Variants in NSD3 observed in about 807,000 individuals in gnomAD.
NSD3 encodes histone-lysine N-methyltransferase NSD3.
A neutral mutation model predicts 160.8 loss-of-function variants in NSD3; 24 were observed. The ratio of observed to expected loss-of-function variants is 0.15; its 90% CI spans 0.11 to 0.21. NSD3 has a LOEUF of 0.21. Ranked by LOEUF, NSD3 falls within the 10% of genes least tolerant of loss-of-function variation. The pLI, the probability that NSD3 is intolerant of heterozygous loss-of-function variation, is 1.00. For missense variants in NSD3, 1,157 were observed against 1,735.9 expected (o/e 0.67, Z 5.93); for synonymous variants, 520 against 600.0 (o/e 0.87, Z 1.95).
intron 1 of NSD3, among the ~76,000 whole-genome samples, chr8:38,376,109 G>A (rs1811381797): frequency 6.6e-6 from 1 of 151,504 alleles, no homozygotes. Context: ...TTTTTTCCAG[G>A]TCCTTTTCTA....
At position 38,317,839 on chromosome 8, in the gene NSD3, T is replaced by C. The variant is rs1323602552; in HGVS notation, c.1855+1056A>G. 3 of 1,514,516 alleles carry C rather than the reference T, an allele frequency of 2.0e-6. No homozygotes were observed. The highest frequency in any genetic ancestry group is 2.7e-6 in the Non-Finnish European group (3 of 1,130,382). The allele number at this position is 1,514,516 out of a possible 1,614,324, so 93.8% of individuals were successfully genotyped here. On this transcript the variant is annotated intron_variant, in intron 9 of 23. Coordinates refer to ENST00000317025, the MANE Select transcript of NSD3 (RefSeq NM_023034.2). This position sits in a 1 kb window ranked among gnomAD's most constrained non-coding sequence, Gnocchi z 5.3. Reference sequence around the variant, plus strand: ...AAACCAGGCAGGAAAATGCCAATAATGATGATTGGCGAAATCAAAATCGAA... The same window carrying C: ...AAACCAGGCAGGAAAATGCCAATAACGATGATTGGCGAAATCAAAATCGAA...
chr8:38,286,159 G>A (rs1808850730), intron 19 of NSD3, among the ~76,000 whole-genome samples: 1 of 152,134 alleles, frequency 6.6e-6, no homozygotes, highest in Non-Finnish European at 1.5e-5. Flanking sequence ...TATGACATAA[G>A]ACTTCAGTGT....
intron 19 of NSD3, among the ~76,000 whole-genome samples, chr8:38,284,631 C>T (rs1456475107): frequency 6.6e-6 from 1 of 152,178 alleles, no homozygotes; most frequent in East Asian, 1.9e-4. Flanking sequence ...AAATGATCCA[C>T]CTGCCTCAAC....
chr8:38,364,520 T>A (rs192386020), intron 1 of NSD3, among the ~76,000 whole-genome samples: 51 of 152,308 alleles, frequency 3.3e-4, no homozygotes, highest in Admixed American at 3.3e-3. Context: ...TTCTATACTC[T>A]GGAGTTTACT....
At chr8:38,334,485 T>C (rs1187929509) in intron 4 of NSD3, among the ~76,000 whole-genome samples, 1 of 152,190 alleles carries the variant, frequency 6.6e-6, no homozygotes, top group Admixed American at 6.5e-5. Context: ...CCAGGAGCAG[T>C]GGCTTACGCC....
At chr8:38,361,710 G>A (rs1193307808) in intron 1 of NSD3, among the ~76,000 whole-genome samples, 1 of 142,724 alleles carries the variant, frequency 7.0e-6, no homozygotes. Flanking sequence ...AGCCAAGATC[G>A]CGCCACTGCG....
At chr8:38,342,048 G>T (rs866111825) in intron 2 of NSD3, among the ~76,000 whole-genome samples, 2 of 151,842 alleles carry the variant, frequency 1.3e-5, no homozygotes, top group African/African-American at 4.8e-5. Flanking sequence ...TTTCCTTCAG[G>T]CTGGTTTGAA....
intron 1 of NSD3, among the ~76,000 whole-genome samples, chr8:38,349,221 G>T (rs960263715): frequency 6.6e-6 from 1 of 152,140 alleles, no homozygotes; most frequent in Non-Finnish European, 1.5e-5. Context: ...TGGTTGCATA[G>T]TAAACAAACG....
In NSD3 at chr8:38,321,410, G is replaced by A. The variant is rs77184785; in HGVS notation, c.1709-238C>T. Among the ~76,000 whole-genome samples the A allele has an allele frequency of 0.024, 3,624 of 152,202 alleles. 52 individuals are homozygous for A. Among genetic ancestry groups the A allele is most frequent in the Non-Finnish European group, 0.035 (2,353 of 68,004 alleles). ...GGGTCCTAAATTATACAAATAAAGG[G>A]GGATTGGTTTTTTAAAAATTGAAAA... On this transcript the variant is annotated intron_variant, in intron 7 of 23. Transcript: ENST00000317025. The surrounding 1 kb of genome is among the most constrained non-coding windows in gnomAD (Gnocchi z 4.7).
Position 38,347,388 on chromosome 8 carries a change from A to C in NSD3, c.675+109T>G, listed in dbSNP as rs556191540. Reference sequence around the variant, plus strand: ...CTGAGCACGTTGCTAGTGATTAAAGAAGTTATCAGACAGATTCATATTTAA... The same window carrying C: ...CTGAGCACGTTGCTAGTGATTAAAGCAGTTATCAGACAGATTCATATTTAA... On this transcript the variant is annotated intron_variant, in intron 2 of 23. Coordinates refer to ENST00000317025, the MANE Select transcript of NSD3 (RefSeq NM_023034.2). 35 of 1,194,142 alleles carry C rather than the reference A, an allele frequency of 2.9e-5. No individual in the cohort carries two copies. In the Admixed American group the frequency reaches 8.7e-4, roughly 30 times the overall value. 74.0% of individuals were successfully genotyped at this position (1,194,142 alleles called of 1,614,324 possible). A position where few individuals can be genotyped will look rare whatever the true frequency, so the allele number is the denominator to read the frequency against.
At chr8:38,358,331 G>A (rs1257970875) in intron 1 of NSD3, among the ~76,000 whole-genome samples, 1 of 151,980 alleles carries the variant, frequency 6.6e-6, no homozygotes, top group Non-Finnish European at 1.5e-5. Context: ...AGAGGAAGAC[G>A]GTGGTCTTCC....
At chr8:38,292,553 C>T (rs1159359083) in intron 16 of NSD3, among the ~76,000 whole-genome samples, 2 of 151,200 alleles carry the variant, frequency 1.3e-5, no homozygotes, top group Admixed American at 6.6e-5. Flanking sequence ...GAGGCCAAGG[C>T]GGGTGTATCA....
At chr8:38,287,937 T>G (rs1808904510) in intron 19 of NSD3, among the ~76,000 whole-genome samples, 1 of 152,078 alleles carries the variant, frequency 6.6e-6, no homozygotes, top group Non-Finnish European at 1.5e-5. Context: ...TAGAAAAATG[T>G]CAAGAGTAAT....
rs916436497 is a variant in NSD3, at chr8:38,275,145, T to C, written c.*496A>G. ...TCAGTAAAGAGGTATATAAAGCTTA[T>C]CATACCCTTTCCTAGAGGGCTTTCT... is the stretch of plus-strand genomic sequence containing the variant. On this transcript the variant is annotated 3_prime_UTR_variant, in exon 24 of 24. Transcript: ENST00000317025. 2 of 239,734 alleles carry C rather than the reference T, an allele frequency of 8.3e-6. No homozygotes were observed. The highest frequency in any genetic ancestry group is 1.6e-5 in the Non-Finnish European group (2 of 122,490). The allele number at this position is 239,734 out of a possible 1,614,324, so 14.9% of individuals were successfully genotyped here. A position where few individuals can be genotyped will look rare whatever the true frequency, so the allele number is the denominator to read the frequency against.
chr8:38,318,543 T>C lies in NSD3; in HGVS notation c.1855+352A>G, dbSNP rs1289657379. Among the ~76,000 whole-genome samples the C allele has an allele frequency of 1.3e-5, 2 of 152,210 alleles. No homozygotes were observed. The highest frequency in any genetic ancestry group is 4.8e-5 in the African/African-American group (2 of 41,448). ...TGTCATAGTCCATGTTTGACAAACA[T>C]GAATAGCTACTATTCGGTATTCAGT... On this transcript the variant is annotated intron_variant, in intron 9 of 23. Transcript: ENST00000317025. The surrounding 1 kb of genome is among the most constrained non-coding windows in gnomAD (Gnocchi z 5.3).
chr8:38,305,178 T>C (rs987194916), intron 13 of NSD3, 70 bp downstream of exon 13: 10 of 1,493,140 alleles, frequency 6.7e-6, no homozygotes, highest in Non-Finnish European at 4.6e-6. Flanking sequence ...GTTTGTAATA[T>C]ATGCTTGATA....
At chr8:38,279,980 G>C in intron 20 of NSD3, 1 of 238,466 alleles carries the variant, frequency 4.2e-6, no homozygotes, top group African/African-American at 2.2e-5. Context: ...GTTTAGGAAT[G>C]GTATTTTCTG....
At chr8:38,380,143 C>A (rs1325668442) in intron 1 of NSD3, among the ~76,000 whole-genome samples, 1 of 152,066 alleles carries the variant, frequency 6.6e-6, no homozygotes, top group Admixed American at 6.6e-5. Flanking sequence ...TTGTATTGAG[C>A]CAGCTACATG....
At chr8:38,314,600 C>T (rs750915878) in intron 12 of NSD3, 47 bp downstream of exon 12, 3 of 1,611,342 alleles carry the variant, frequency 1.9e-6, no homozygotes, top group Non-Finnish European at 2.5e-6. Context: ...ACATTCCTGG[C>T]ACAATCCCAT....
Sources: allele counts gnomAD v4.1 joint callset (sites outside exome capture counted in the v4.1 genomes callset), GRCh38; gene constraint gnomAD v4.1.1; non-coding constraint Gnocchi (gnomAD v3.1); transcripts MANE v1.5; gene names NCBI Gene and HGNC (gene_info 2026-07-23, HGNC 2026-07-21).